NGEF: variants seen among roughly 807,000 people sequenced by gnomAD.
NGEF encodes neuronal guanine nucleotide exchange factor.
Under a neutral mutation model 80.9 loss-of-function variants are expected in NGEF, and 31 were observed. The observed-to-expected ratio is 0.38, with a 90% CI of 0.29 to 0.52. The LOEUF is 0.52. Among genes scored for constraint, NGEF ranks in the 20% least tolerant of loss-of-function variants. NGEF has a pLI of 0.84. For synonymous variants in NGEF, 371 were observed against 370.2 expected (o/e 1.00, Z -0.03); for missense variants, 709 against 926.2 (o/e 0.77, Z 3.04).
At chr2:232,889,154 T>C (rs761153844) in intron 8 of NGEF, among the ~76,000 whole-genome samples, 5 of 152,124 alleles carry the variant, frequency 3.3e-5, no homozygotes, top group Non-Finnish European at 5.9e-5. Flanking sequence ...TTCCATCCTG[T>C]ATGTGGCCAC....
At chr2:232,947,770 C>G (rs1363600862) in intron 3 of NGEF, among the ~76,000 whole-genome samples, 1 of 152,112 alleles carries the variant, frequency 6.6e-6, no homozygotes, top group Non-Finnish European at 1.5e-5. Context: ...AGTTAATACA[C>G]TAAGAAGCAG....
intron 1 of NGEF, among the ~76,000 whole-genome samples, chr2:232,978,550 G>T (rs1270419388): frequency 6.6e-6 from 1 of 152,004 alleles, no homozygotes; most frequent in Non-Finnish European, 1.5e-5. Context: ...ATAACTTGCG[G>T]TATAATTTAC....
intron 1 of NGEF, among the ~76,000 whole-genome samples, chr2:232,986,640 T>C (rs183961994): frequency 6.6e-6 from 1 of 152,328 alleles, no homozygotes; most frequent in Non-Finnish European, 1.5e-5. Flanking sequence ...TGATCTTATA[T>C]GTGGAATCTA....
At chr2:232,927,452 G>C (rs1024602084) in intron 3 of NGEF, among the ~76,000 whole-genome samples, 1 of 152,120 alleles carries the variant, frequency 6.6e-6, no homozygotes, top group East Asian at 1.9e-4. Flanking sequence ...TCCCGGGCAG[G>C]CGGTGGAAAC....
chr2:232,925,968 AC>A (rs2106282515), intron 4 of NGEF, among the ~76,000 whole-genome samples: 1 of 151,964 alleles, frequency 6.6e-6, no homozygotes, highest in South Asian at 2.1e-4. Flanking sequence ...TGTGCGCTCC[AC>A]CCCCTCAGCT....
Position 233,001,662 on chromosome 2 carries a change from T to C in NGEF, c.-75+11406A>G, listed in dbSNP as rs1345599982. ...GTGAGTGAGTTTTTCAAGAGGCAGA[T>C]GTGTTTTTAAAAACGAGCAGTAGCC... On this transcript the variant is annotated intron_variant, in intron 1 of 14. Coordinates refer to ENST00000264051, the MANE Select transcript of NGEF (RefSeq NM_019850.3). Among the ~76,000 whole-genome samples the C allele has an allele frequency of 5.9e-5, 9 of 152,214 alleles. No homozygotes were observed. In the East Asian group the frequency reaches 1.5e-3, roughly 26 times the overall value.
In NGEF at chr2:232,974,756, G is replaced by A; in HGVS notation, c.135C>T (p.Asp45=). 1 of 1,614,214 alleles carries A rather than the reference G, an allele frequency of 6.2e-7. No individual in the cohort carries two copies. The highest frequency in any genetic ancestry group is 1.7e-4 in the Middle Eastern group (1 of 6,060). The change falls in exon 2 of 15, where the codon GAC becomes GAT. Residue 45 remains aspartate, a synonymous_variant. Transcript: ENST00000264051. ...GAGGCTCTTTGTCTTGGATATCCTG[G>A]TCAGCTTGAGAAGTCTCCTCTTTTT... ...LPEKEETSQA[D]QDIQDKEPHC... is the part of the protein sequence containing the mutation.
At chr2:232,930,067 T>C (rs1336795848) in intron 3 of NGEF, among the ~76,000 whole-genome samples, 1 of 152,212 alleles carries the variant, frequency 6.6e-6, no homozygotes, top group Non-Finnish European at 1.5e-5. Context: ...ATTAAATCTC[T>C]TTTTCTTTAT....
rs1553558805 is a variant in NGEF, at chr2:232,988,036, C to CCTGTGTGTGTGTGTGT, written c.-74-13073_-74-13072insACACACACACACACAG. On this transcript the variant is annotated intron_variant, in intron 1 of 14. Coordinates refer to ENST00000264051, the MANE Select transcript of NGEF (RefSeq NM_019850.3). ...GTCACCCTTCTGGAAGGGATGGTCT[C>CCTGTGTGTGTGTGTGT]GTGTGTGTGTGTGTGTGTGTGTGTG... 1.4e-3 allele frequency among the ~76,000 whole-genome samples: 201 copies of CCTGTGTGTGTGTGTGT among 140,356 alleles called. 7 individuals are homozygous for CCTGTGTGTGTGTGTGT. Among genetic ancestry groups the CCTGTGTGTGTGTGTGT allele is most frequent in the African/African-American group, 3.1e-3 (120 of 38,352 alleles). 92.1% of individuals were successfully genotyped at this position (140,356 alleles called of 152,430 possible). A position where few individuals can be genotyped will look rare whatever the true frequency, so the allele number is the denominator to read the frequency against.
Position 232,892,968 on chromosome 2 carries a change from C to G in NGEF, c.1072G>C (p.Asp358His). 1 of 1,613,598 alleles carries G rather than the reference C, an allele frequency of 6.2e-7. No homozygotes were observed. Residue 358 changes from aspartate to histidine, a missense_variant, in exon 7 of 15, where the codon GAC (aspartate) becomes CAC (histidine). By Grantham distance (81) the Asp-to-His change is moderately conservative. Coordinates refer to ENST00000264051, the MANE Select transcript of NGEF (RefSeq NM_019850.3). The surrounding 1 kb of genome is among the most constrained non-coding windows in gnomAD (Gnocchi z 4.0). ...TAGGTGATGTAGACAGAGAAGTGGT[C>G]GGCCGCATAACGGTACACAATGTCA... ...VCDIVYRYAA[D>H]HFSVYITYVS...
At chr2:232,908,968 A>G (rs1692636572) in intron 5 of NGEF, among the ~76,000 whole-genome samples, 1 of 152,138 alleles carries the variant, frequency 6.6e-6, no homozygotes, top group Non-Finnish European at 1.5e-5. Context: ...TATCACGTCC[A>G]GTGTTTTTAT....
chr2:232,980,567 C>T (rs1209618515), intron 1 of NGEF, among the ~76,000 whole-genome samples: 1 of 152,014 alleles, frequency 6.6e-6, no homozygotes, highest in Non-Finnish European at 1.5e-5. Flanking sequence ...GGCGCGATCT[C>T]AGCTCACTGC....
At position 232,935,056 on chromosome 2, in the gene NGEF, T is replaced by C. The variant is rs114395843; in HGVS notation, c.384-7870A>G. On this transcript the variant is annotated intron_variant, in intron 3 of 14. Transcript: ENST00000264051. ...ATAATTGGTGAATGAATTAAAGTTA[T>C]ATTTTTTAAAATAAGTATTTAGTTA... Among the ~76,000 whole-genome samples the C allele has an allele frequency of 3.0e-3, 457 of 152,228 alleles. 1 individual carries two copies. Among genetic ancestry groups the C allele is most frequent in the African/African-American group, 0.011 (440 of 41,544 alleles).
chr2:232,938,894 A>ATAGAAGCATCCTGAAGCAAGGGGC (rs1222014336), intron 3 of NGEF, among the ~76,000 whole-genome samples: 18 of 141,790 alleles, frequency 1.3e-4, no homozygotes, highest in African/African-American at 4.7e-4. Flanking sequence ...TTAGAACTCA[A>ATAGAAGCATCCTGAAGCAAGGGGC]ACTAGGCCGG....
Position 232,943,581 on chromosome 2 carries a change from C to T in NGEF, c.384-16395G>A, listed in dbSNP as rs912156336. Among the ~76,000 whole-genome samples, 78 of 151,462 alleles carry T rather than the reference C, an allele frequency of 5.1e-4. 1 individual carries two copies. Among genetic ancestry groups the T allele is most frequent in the African/African-American group, 1.8e-3 (73 of 41,276 alleles). On this transcript the variant is annotated intron_variant, in intron 3 of 14. Coordinates refer to ENST00000264051, the MANE Select transcript of NGEF (RefSeq NM_019850.3). ...CGCGATCTCGGCTCACTGCAAGCTCCGCCTCCCGGGTTCACGCCATTCTCC... is the reference window on the plus strand; with the variant it reads ...CGCGATCTCGGCTCACTGCAAGCTCTGCCTCCCGGGTTCACGCCATTCTCC...
chr2:232,960,432 G>C (rs1247703082), intron 3 of NGEF, among the ~76,000 whole-genome samples: 1 of 152,148 alleles, frequency 6.6e-6, no homozygotes, highest in Non-Finnish European at 1.5e-5. Context: ...AGATTCACAG[G>C]AACACCCTCC....
chr2:232,997,890 G>A (rs1312854860), intron 1 of NGEF, among the ~76,000 whole-genome samples: 1 of 152,190 alleles, frequency 6.6e-6, no homozygotes, highest in East Asian at 1.9e-4. Flanking sequence ...GTTACCAGCA[G>A]GTCCACCCAC....
At chr2:232,957,558 G>A (rs1193117999) in intron 3 of NGEF, among the ~76,000 whole-genome samples, 2 of 152,164 alleles carry the variant, frequency 1.3e-5, no homozygotes, top group East Asian at 3.8e-4. Context: ...CCTGACCTCA[G>A]GTGATCTGCC....
intron 3 of NGEF, among the ~76,000 whole-genome samples, chr2:232,944,570 C>T (rs1040459693): frequency 6.6e-6 from 1 of 151,184 alleles, no homozygotes; most frequent in Admixed American, 6.6e-5. Flanking sequence ...GTTATCTGTG[C>T]TGTGTGCTAC....
Sources: allele counts gnomAD v4.1 joint callset (sites outside exome capture counted in the v4.1 genomes callset), GRCh38; gene constraint gnomAD v4.1.1; non-coding constraint Gnocchi (gnomAD v3.1); transcripts MANE v1.5; gene names NCBI Gene and HGNC (gene_info 2026-07-23, HGNC 2026-07-21).